Variants in PKD1L3 observed in about 807,000 individuals in gnomAD.
PKD1L3 encodes the protein polycystin-1-like protein 3.
PKD1L3 carries 239 observed loss-of-function variants against 184.1 expected under a neutral mutation model. The ratio of observed to expected loss-of-function variants is 1.30; its 90% CI spans 1.17 to 1.45. PKD1L3 has a LOEUF of 1.45. Among genes scored for constraint, PKD1L3 ranks in the 40% most tolerant of loss-of-function variants. PKD1L3 has a pLI of 0.00. For synonymous variants in PKD1L3, 996 were observed against 778.8 expected (o/e 1.28, Z -4.64); for missense variants, 2,660 against 2,067.2 (o/e 1.29, Z -5.56).
intron 11 of PKD1L3, among the ~76,000 whole-genome samples, chr16:71,974,939 C>T (rs1025977396): frequency 9.9e-5 from 15 of 152,008 alleles, no homozygotes; most frequent in South Asian, 2.1e-4. Context: ...TTTTTCCCAA[C>T]GTAAAAATAA....
At chr16:71,994,857 G>A (rs558821061) in intron 2 of PKD1L3, among the ~76,000 whole-genome samples, 5 of 151,798 alleles carry the variant, frequency 3.3e-5, no homozygotes, top group South Asian at 4.2e-4. Flanking sequence ...AAAATTAGCC[G>A]AGTGCCTATA....
intron 7 of PKD1L3, among the ~76,000 whole-genome samples, chr16:71,980,962 T>C (rs533744798): frequency 3.9e-4 from 59 of 152,200 alleles, no homozygotes; most frequent in Admixed American, 7.2e-4. Flanking sequence ...GGACATTTCA[T>C]ATAAGTGAAT....
chr16:71,940,165 A>G (rs1158019169), intron 24 of PKD1L3, among the ~76,000 whole-genome samples: 1 of 152,130 alleles, frequency 6.6e-6, no homozygotes, highest in Non-Finnish European at 1.5e-5. Context: ...CTCCCTCACC[A>G]TTCACAACCA....
chr16:71,994,324 G>C (rs2040703089), intron 2 of PKD1L3, among the ~76,000 whole-genome samples: 3 of 151,972 alleles, frequency 2.0e-5, no homozygotes, highest in Non-Finnish European at 4.4e-5. Flanking sequence ...TCATTCTTAG[G>C]TCAGGTGATA....
chr16:71,967,297 C>G lies in PKD1L3; in HGVS notation c.2305G>C (p.Gly769Arg). The G allele has an allele frequency of 1.3e-6, 2 of 1,550,906 alleles. No individual in the cohort carries two copies. The highest frequency in any genetic ancestry group is 1.7e-6 in the Non-Finnish European group (2 of 1,146,634). Reference sequence around the variant, plus strand: ...TGGGGCTCACTCCGTCCCTCTGATCCATAGAGGGTGATGACAACCTACAAT... The same window carrying G: ...TGGGGCTCACTCCGTCCCTCTGATCGATAGAGGGTGATGACAACCTACAAT... The part of the protein sequence containing the change: ...TTAKVVITLY[G>R]SEGRSEPHHL... The change falls in exon 15 of 30, where the codon GGA (glycine) becomes CGA (arginine). Residue 769 changes from glycine (G) to arginine (R), a missense_variant. Transcript: ENST00000620267.
chr16:71,950,354 A>G (rs2143356885), intron 19 of PKD1L3, 44 bp from the exon 20 acceptor site: 6 of 1,441,616 alleles, frequency 4.2e-6, no homozygotes, highest in Non-Finnish European at 5.6e-6. Context: ...GTGGATTTCA[A>G]TAAGAAGCAA....
chr16:71,945,266 C>CTATA (rs60469321), intron 22 of PKD1L3, among the ~76,000 whole-genome samples: 781 of 63,724 alleles, frequency 0.012, 9 homozygotes, highest in Non-Finnish European at 0.017. Context: ...AATTTCTTAA[C>CTATA]TATATATATA....
At chr16:71,999,575 G>A (rs1597386927) in intron 1 of PKD1L3, 109 bp downstream of exon 1, 1 of 1,091,722 alleles carries the variant, frequency 9.2e-7, no homozygotes, top group African/African-American at 1.6e-5. Context: ...TAAAGTGACT[G>A]GTTTTTCTGT....
intron 5 of PKD1L3, 64 bp downstream of exon 5, chr16:71,986,157 T>C (rs938750100): frequency 5.3e-6 from 8 of 1,522,792 alleles, no homozygotes; most frequent in Non-Finnish European, 7.1e-6. Context: ...GGGAGGCAAA[T>C]GGGTGAACCA....
At chr16:71,981,829 C>T (rs1407598570) in intron 7 of PKD1L3, among the ~76,000 whole-genome samples, 1 of 152,114 alleles carries the variant, frequency 6.6e-6, no homozygotes, top group Non-Finnish European at 1.5e-5. Context: ...GTGTGAGCCA[C>T]CGGGTCCAGC....
In PKD1L3 at chr16:71,999,998, G is replaced by A. The variant is rs1312540739; in HGVS notation, c.-20C>T. ...GAACATTTTCTCTGAATTGTAGCAA[G>A]AAAAAGTGTGGGGGTTTAGCAGCTG... On this transcript the variant is annotated 5_prime_UTR_variant, in exon 1 of 30. Transcript: ENST00000620267. The A allele has an allele frequency of 6.7e-7, 1 of 1,489,332 alleles. No homozygotes were observed. The highest frequency in any genetic ancestry group is 2.3e-5 in the Admixed American group (1 of 44,274). 92.3% of individuals were successfully genotyped at this position (1,489,332 alleles called of 1,614,324 possible).
At chr16:71,972,780 C>T (rs1220116560) in intron 12 of PKD1L3, among the ~76,000 whole-genome samples, 1 of 152,208 alleles carries the variant, frequency 6.6e-6, no homozygotes, top group Admixed American at 6.6e-5. Flanking sequence ...AGACCTTACA[C>T]CACATTCTTT....
chr16:71,957,555 T>A (rs2039094558), intron 16 of PKD1L3, among the ~76,000 whole-genome samples: 1 of 152,120 alleles, frequency 6.6e-6, no homozygotes, highest in South Asian at 2.1e-4. Context: ...CCCAGCACTT[T>A]GGGAGGAGAA....
chr16:71,952,850 C>T (rs1402503890), intron 18 of PKD1L3, 44 bp downstream of exon 18: 2 of 1,506,534 alleles, frequency 1.3e-6, no homozygotes, highest in Non-Finnish European at 8.9e-7. Context: ...AACAAACAAG[C>T]AGGCAATAAA....
chr16:71,971,805 CCT>C (rs1274542111), intron 12 of PKD1L3, among the ~76,000 whole-genome samples: 1 of 152,144 alleles, frequency 6.6e-6, no homozygotes, highest in Non-Finnish European at 1.5e-5. Flanking sequence ...TCCTAAGAAT[CCT>C]CTCTCTGTCA....
intron 21 of PKD1L3, 30 bp downstream of exon 21, chr16:71,949,749 GCAAC>G: frequency 6.5e-7 from 1 of 1,526,786 alleles, no homozygotes; most frequent in African/African-American, 1.4e-5. Flanking sequence ...CCTAACTTCT[GCAAC>G]TCCAATGGTT....
Position 71,942,602 on chromosome 16 carries a change from G to C in PKD1L3, c.4282C>G (p.Leu1428Val), listed in dbSNP as rs1367034313. 1 of 1,551,614 alleles carries C rather than the reference G, an allele frequency of 6.4e-7. No individual in the cohort carries two copies. The highest frequency in any genetic ancestry group is 2.0e-5 in the Admixed American group (1 of 50,986). Reference sequence around the variant, plus strand: ...AATCCATTCTCATTCTTGCTTGTCAGCCTTTCGTGAAGCTCATCAGTGGGA... The same window carrying C: ...AATCCATTCTCATTCTTGCTTGTCACCCTTTCGTGAAGCTCATCAGTGGGA... ...LIPTDELHER[L>V]TSKNENGFSY... Residue 1428 changes from leucine to valine, a missense_variant, in exon 24 of 30, where the codon CTG becomes GTG. Physicochemically the swap from Leu to Val is conservative, Grantham distance 32 (BLOSUM62 1). Transcript: ENST00000620267.
chr16:71,959,759 T>C (rs985477807), intron 16 of PKD1L3, among the ~76,000 whole-genome samples: 3 of 151,772 alleles, frequency 2.0e-5, no homozygotes, highest in Admixed American at 6.6e-5. Flanking sequence ...AAGCAGGAAG[T>C]GGAAAAACAA....
chr16:71,947,923 T>TG (rs1237968781), intron 21 of PKD1L3, among the ~76,000 whole-genome samples: 1 of 151,092 alleles, frequency 6.6e-6, no homozygotes, highest in Non-Finnish European at 1.5e-5. Flanking sequence ...CCAGACTCTT[T>TG]TTTTTTTTTT....
Sources: gnomAD v4.1 joint callset for allele counts (sites outside exome capture counted in the v4.1 genomes callset) on GRCh38, gnomAD v4.1.1 for gene constraint, MANE v1.5 for transcripts, NCBI Gene and HGNC (gene_info 2026-07-23, HGNC 2026-07-21) for gene names.